SLC20A2: variants seen among roughly 807,000 people sequenced by gnomAD.
The protein encoded by SLC20A2 is solute carrier family 20 member 2.
SLC20A2 carries 30 observed loss-of-function variants against 61.0 expected under a neutral mutation model. The ratio of observed to expected loss-of-function variants is 0.49; its 90% CI spans 0.37 to 0.67. The LOEUF is 0.67. Ranked by LOEUF, SLC20A2 falls within the 30% of genes least tolerant of loss-of-function variation. The probability of loss-of-function intolerance (pLI) is 0.00; values close to 1 mark genes in which losing one functional copy is unlikely to be tolerated. For missense variants in SLC20A2, 626 were observed against 866.4 expected (o/e 0.72, Z 3.48); for synonymous variants, 351 against 353.3 (o/e 0.99, Z 0.07).
chr8:42,436,514 A>T (rs899228514), intron 8 of SLC20A2, among the ~76,000 whole-genome samples: 1 of 151,998 alleles, frequency 6.6e-6, no homozygotes, highest in African/African-American at 2.4e-5. Context: ...CCCCTGTCAA[A>T]TGTGCCCTGT....
intron 5 of SLC20A2, among the ~76,000 whole-genome samples, chr8:42,447,647 A>C (rs1000265967): frequency 6.6e-6 from 1 of 152,258 alleles, no homozygotes; most frequent in South Asian, 2.1e-4. Flanking sequence ...ACTGCACTCC[A>C]GCCTGGGCGA....
At chr8:42,428,130 C>A (rs914374732) in intron 10 of SLC20A2, among the ~76,000 whole-genome samples, 3 of 152,174 alleles carry the variant, frequency 2.0e-5, no homozygotes, top group African/African-American at 7.2e-5. Flanking sequence ...CCCTGAAACT[C>A]CCGGAACCCA....
At chr8:42,471,224 T>C in intron 2 of SLC20A2, 3 of 456,182 alleles carry the variant, frequency 6.6e-6, no homozygotes, top group South Asian at 4.6e-5. Flanking sequence ...AGAAAAAGAA[T>C]CCTGTCAGCT....
intron 8 of SLC20A2, among the ~76,000 whole-genome samples, chr8:42,430,971 C>G (rs1377867257): frequency 1.3e-5 from 2 of 152,302 alleles, no homozygotes; most frequent in South Asian, 2.1e-4. Context: ...CCTTGTCTCT[C>G]TCCCTCTCCT....
chr8:42,481,696 C>T (rs1808563530), intron 1 of SLC20A2, among the ~76,000 whole-genome samples: 1 of 152,162 alleles, frequency 6.6e-6, no homozygotes, highest in African/African-American at 2.4e-5. Context: ...CAGGATTGTC[C>T]TGTAGGGAGG....
At chr8:42,537,327 C>T (rs1233612884) in intron 1 of SLC20A2, among the ~76,000 whole-genome samples, 2 of 135,548 alleles carry the variant, frequency 1.5e-5, no homozygotes, top group Non-Finnish European at 3.1e-5. Flanking sequence ...AGTGAGATCA[C>T]ACTACTGTAC....
intron 1 of SLC20A2, among the ~76,000 whole-genome samples, chr8:42,530,504 C>A (rs1287761559): frequency 6.6e-6 from 1 of 152,118 alleles, no homozygotes; most frequent in Non-Finnish European, 1.5e-5. Flanking sequence ...ATTGCGAAGA[C>A]CTACTCCAAT....
chr8:42,528,639 C>T (rs1243545745), intron 1 of SLC20A2, among the ~76,000 whole-genome samples: 1 of 151,932 alleles, frequency 6.6e-6, no homozygotes, highest in Non-Finnish European at 1.5e-5. Context: ...TGGGTAATTC[C>T]ATCATATCCT....
chr8:42,456,569 A>G (rs970869767), intron 5 of SLC20A2, among the ~76,000 whole-genome samples: 3 of 151,996 alleles, frequency 2.0e-5, no homozygotes, highest in African/African-American at 7.2e-5. Context: ...CGTCTCTACT[A>G]AAAATACAAA....
chr8:42,443,264 G>GTTTTATATAT (rs1187147221), intron 6 of SLC20A2, among the ~76,000 whole-genome samples: 20 of 105,474 alleles, frequency 1.9e-4, no homozygotes, highest in African/African-American at 6.9e-4. Context: ...ATTATTATAG[G>GTTTTATATAT]ATATATATAT....
chr8:42,434,073 T>C (rs934525795), intron 8 of SLC20A2, among the ~76,000 whole-genome samples: 1 of 152,194 alleles, frequency 6.6e-6, no homozygotes, highest in African/African-American at 2.4e-5. Context: ...ATTATTATTA[T>C]TTTTGAGAGA....
chr8:42,536,489 T>G (rs954791156), intron 1 of SLC20A2: 4 of 152,220 alleles, frequency 2.6e-5, no homozygotes, highest in African/African-American at 9.6e-5. Flanking sequence ...GCCATTTAGA[T>G]TCAGTGACTG....
chr8:42,488,060 A>T (rs1408490374), intron 1 of SLC20A2, among the ~76,000 whole-genome samples: 1 of 149,144 alleles, frequency 6.7e-6, no homozygotes, highest in Non-Finnish European at 1.5e-5. Flanking sequence ...ATGTATGAGG[A>T]TTTCCTTCCT....
At position 42,492,123 on chromosome 8, in the gene SLC20A2, G is replaced by A. The variant is rs977671466; in HGVS notation, c.-265+8908C>T. ...TGTAATCCCAGCACTTTGGGAGGCC[G>A]AGGTGGGTGGATCACGAGGTCAGGA... On this transcript the variant is annotated intron_variant, in intron 1 of 10. Coordinates refer to ENST00000520262, the MANE Select transcript of SLC20A2 (RefSeq NM_001257180.2). Among the ~76,000 whole-genome samples, 11 of 152,308 alleles carry A rather than the reference G, an allele frequency of 7.2e-5. No individual in the cohort carries two copies. The East Asian group carries it at 1.5e-3, about 21-fold the overall frequency.
At chr8:42,421,837 GT>G (rs1803065284) in intron 10 of SLC20A2, among the ~76,000 whole-genome samples, 1 of 151,470 alleles carries the variant, frequency 6.6e-6, no homozygotes. Context: ...ATCATCAAAT[GT>G]CTTTTTGGCT....
chr8:42,478,961 C>T (rs1312625004), intron 1 of SLC20A2, among the ~76,000 whole-genome samples: 1 of 151,960 alleles, frequency 6.6e-6, no homozygotes, highest in Non-Finnish European at 1.5e-5. Context: ...CCAGTTCACT[C>T]AGTCGAGCAA....
At chr8:42,483,382 AAACT>A (rs1808699246) in intron 1 of SLC20A2, among the ~76,000 whole-genome samples, 2 of 152,196 alleles carry the variant, frequency 1.3e-5, no homozygotes, top group Admixed American at 6.5e-5. Flanking sequence ...AAAAACAAAC[AAACT>A]AATTAACTGT....
intron 5 of SLC20A2, among the ~76,000 whole-genome samples, chr8:42,447,600 C>T (rs1586059862): frequency 6.6e-6 from 1 of 152,204 alleles, no homozygotes; most frequent in South Asian, 2.1e-4. Context: ...ATGGCATGAA[C>T]CCGGAAGGTG....
At chr8:42,460,764 A>C (rs1563484500) in intron 4 of SLC20A2, among the ~76,000 whole-genome samples, 1 of 152,212 alleles carries the variant, frequency 6.6e-6, no homozygotes, top group Non-Finnish European at 1.5e-5. Context: ...TTTTTAGCAG[A>C]TCTACAGAGA....
Sources: gnomAD v4.1 joint callset for allele counts (sites outside exome capture counted in the v4.1 genomes callset) on GRCh38, gnomAD v4.1.1 for gene constraint, MANE v1.5 for transcripts, NCBI Gene and HGNC (gene_info 2026-07-23, HGNC 2026-07-21) for gene names.